Variants in ZNF804B observed in about 807,000 individuals in gnomAD.
ZNF804B encodes the protein zinc finger 804B.
ZNF804B carries 80 observed loss-of-function variants against 101.4 expected under a neutral mutation model. That is an observed-to-expected ratio of 0.79 (90% CI 0.66 to 0.95). ZNF804B has a LOEUF of 0.95. ZNF804B is among the 40% of genes least tolerant of loss of function. The pLI is 0.00. For synonymous variants in ZNF804B, 622 were observed against 558.8 expected, an observed-to-expected ratio of 1.11 and a Z score of -1.59; for missense variants, 1,673 against 1,561.9, an observed-to-expected ratio of 1.07 and a Z score of -1.20.
intron 1 of ZNF804B, among the ~76,000 whole-genome samples, chr7:88,773,332 CT>C (rs1207643920): frequency 6.6e-6 from 1 of 152,154 alleles, no homozygotes; most frequent in East Asian, 1.9e-4. Flanking sequence ...GGATATAGAA[CT>C]AACATCTGGA....
chr7:88,863,547 T>C (rs1175634004), intron 1 of ZNF804B, among the ~76,000 whole-genome samples: 3 of 152,146 alleles, frequency 2.0e-5, no homozygotes, highest in Non-Finnish European at 4.4e-5. Context: ...GTTTATAGTT[T>C]AATGGTTGAA....
In ZNF804B at chr7:89,335,740, A is replaced by T; in HGVS notation, c.2758A>T (p.Arg920Trp). Reference protein sequence around the residue: ...TTESNTAEGERTPLTAKILLE... With the variant: ...TTESNTAEGEWTPLTAKILLE... The stretch of plus-strand genomic sequence containing the variant: ...AGAATCAAACACTGCAGAAGGAGAG[A>T]GGACCCCTCTAACAGCAAAAATCCT... Residue 920 changes from arginine to tryptophan, a missense_variant, in exon 4 of 4, where the codon AGG becomes TGG. Physicochemically the swap from Arg to Trp is moderately radical, Grantham distance 101. Coordinates refer to ENST00000333190, the MANE Select transcript of ZNF804B (RefSeq NM_181646.5). The T allele has an allele frequency of 6.2e-7, 1 of 1,614,054 alleles. No homozygotes were observed. Among genetic ancestry groups the T allele is most frequent in the South Asian group, 1.1e-5 (1 of 91,080 alleles).
chr7:88,852,895 C>T (rs1210208188), intron 1 of ZNF804B, among the ~76,000 whole-genome samples: 1 of 152,060 alleles, frequency 6.6e-6, no homozygotes, highest in Non-Finnish European at 1.5e-5. Flanking sequence ...ATAAAAACTG[C>T]TCTCTTTTCT....
intron 1 of ZNF804B, among the ~76,000 whole-genome samples, chr7:88,853,192 G>T (rs1562812097): frequency 6.6e-6 from 1 of 152,062 alleles, no homozygotes; most frequent in East Asian, 1.9e-4. Flanking sequence ...AGCTTCTTCT[G>T]GCATTAAAAA....
intron 1 of ZNF804B, among the ~76,000 whole-genome samples, chr7:88,943,052 C>A (rs913327338): frequency 1.3e-5 from 2 of 151,786 alleles, no homozygotes; most frequent in African/African-American, 4.8e-5. Context: ...GTTATGCTTG[C>A]CAGCTGCAAA....
At chr7:88,884,162 TTTACCTCCTTAAAAAA>T (rs891019101) in intron 1 of ZNF804B, among the ~76,000 whole-genome samples, 1 of 151,666 alleles carries the variant, frequency 6.6e-6, no homozygotes, top group Non-Finnish European at 1.5e-5. Context: ...CTCCATATTC[TTTACCTCCTTAAAAAA>T]TAAGGAGAGC....
At chr7:88,976,595 C>A (rs868804017) in intron 1 of ZNF804B, among the ~76,000 whole-genome samples, 1 of 151,484 alleles carries the variant, frequency 6.6e-6, no homozygotes, top group Non-Finnish European at 1.5e-5. Flanking sequence ...TTGTATCCTG[C>A]AACTCTACTG....
At chr7:88,932,712 T>TA (rs936502410) in intron 1 of ZNF804B, among the ~76,000 whole-genome samples, 1 of 151,720 alleles carries the variant, frequency 6.6e-6, no homozygotes, top group Admixed American at 6.6e-5. Flanking sequence ...CTAGAGACAC[T>TA]AAGCAGACCA....
chr7:88,766,845 C>A (rs975092474), intron 1 of ZNF804B, among the ~76,000 whole-genome samples: 15 of 152,176 alleles, frequency 9.9e-5, no homozygotes, highest in Non-Finnish European at 1.6e-4. Flanking sequence ...GAGAATGATT[C>A]ATAGAGATTA....
chr7:89,272,621 G>A (rs373638328), intron 2 of ZNF804B, among the ~76,000 whole-genome samples: 7 of 151,960 alleles, frequency 4.6e-5, no homozygotes, highest in Admixed American at 1.3e-4. Flanking sequence ...AAGTTTTCCC[G>A]CTACCCCTTT....
chr7:88,781,703 C>T (rs765333952), intron 1 of ZNF804B, among the ~76,000 whole-genome samples: 1 of 151,994 alleles, frequency 6.6e-6, no homozygotes, highest in African/African-American at 2.4e-5. Flanking sequence ...AAACAAACTA[C>T]TCAAAGTCAC....
At chr7:88,927,311 A>G (rs1163007878) in intron 1 of ZNF804B, among the ~76,000 whole-genome samples, 1 of 152,148 alleles carries the variant, frequency 6.6e-6, no homozygotes, top group Non-Finnish European at 1.5e-5. Flanking sequence ...TACATTTCTG[A>G]AAAAAACAGT....
At chr7:89,137,682 C>G (rs1790658326) in intron 1 of ZNF804B, among the ~76,000 whole-genome samples, 1 of 152,050 alleles carries the variant, frequency 6.6e-6, no homozygotes, top group Admixed American at 6.6e-5. Flanking sequence ...AAATTTGCAG[C>G]CTGACAATGT....
intron 1 of ZNF804B, among the ~76,000 whole-genome samples, chr7:88,982,352 G>A (rs1793704220): frequency 6.6e-6 from 1 of 152,042 alleles, no homozygotes; most frequent in Non-Finnish European, 1.5e-5. Flanking sequence ...GGCATCCTTA[G>A]TTATAATATC....
intron 1 of ZNF804B, among the ~76,000 whole-genome samples, chr7:88,997,299 A>T (rs1393591432): frequency 1.3e-5 from 2 of 152,036 alleles, no homozygotes; most frequent in African/African-American, 4.8e-5. Flanking sequence ...ACAATAAGGG[A>T]TGTGGTTGAA....
At chr7:88,873,775 G>A (rs1342499125) in intron 1 of ZNF804B, among the ~76,000 whole-genome samples, 3 of 152,170 alleles carry the variant, frequency 2.0e-5, no homozygotes, top group Non-Finnish European at 4.4e-5. Context: ...AGATCAGATA[G>A]TCATAGATAT....
intron 1 of ZNF804B, among the ~76,000 whole-genome samples, chr7:88,825,779 C>T (rs759136603): frequency 3.3e-5 from 5 of 152,076 alleles, no homozygotes; most frequent in Non-Finnish European, 7.4e-5. Context: ...TCCATCTGTA[C>T]CTGTATGATG....
At chr7:89,085,799 T>G (rs17166637) in intron 1 of ZNF804B, among the ~76,000 whole-genome samples, 6,103 of 152,062 alleles carry the variant, frequency 0.04, 163 homozygotes, top group East Asian at 0.13. Flanking sequence ...TTGTCTGCAT[T>G]TCATTAGAAT....
rs185984153 is a variant in ZNF804B, at chr7:88,883,085, T to A, written c.108+123001T>A. 3.3e-4 allele frequency among the ~76,000 whole-genome samples: 50 copies of A among 152,184 alleles called. 1 individual carries two copies. The East Asian group carries it at 6.4e-3, about 19-fold the overall frequency. On this transcript the variant is annotated intron_variant, in intron 1 of 3. Coordinates refer to ENST00000333190, the MANE Select transcript of ZNF804B (RefSeq NM_181646.5). Reference sequence around the variant, plus strand: ...CTACAAAAATAGAAGAAAAAAATTTTAAAAAAATTCCCTCTGGGTTAAACA... The same window carrying A: ...CTACAAAAATAGAAGAAAAAAATTTAAAAAAAATTCCCTCTGGGTTAAACA...
Sources: allele counts gnomAD v4.1 joint callset (sites outside exome capture counted in the v4.1 genomes callset), GRCh38; gene constraint gnomAD v4.1.1; transcripts MANE v1.5; gene names NCBI Gene and HGNC (gene_info 2026-07-23, HGNC 2026-07-21).